The following CPSF1 variants were observed in gnomAD, a reference collection of about 807,000 sequenced individuals.
The protein encoded by CPSF1 is cleavage and polyadenylation specificity factor subunit 1.
CPSF1 carries 106 observed loss-of-function variants against 175.8 expected under a neutral mutation model. The ratio of observed to expected loss-of-function variants is 0.60; its 90% CI spans 0.52 to 0.71. CPSF1 has a LOEUF of 0.71. Among genes scored for constraint, CPSF1 ranks in the 30% least tolerant of loss-of-function variants. The probability of loss-of-function intolerance (pLI) is 0.00; values close to 1 mark genes in which losing one functional copy is unlikely to be tolerated. For missense variants in CPSF1, 1,734 were observed against 2,022.9 expected, an observed-to-expected ratio of 0.86 and a Z score of 2.74; for synonymous variants, 1,024 against 858.3, an observed-to-expected ratio of 1.19 and a Z score of -3.37.
intron 2 of CPSF1, among the ~76,000 whole-genome samples, chr8:144,403,253 C>T (rs1157982246): frequency 2.6e-5 from 4 of 151,794 alleles, no homozygotes; most frequent in Non-Finnish European, 5.9e-5. Context: ...CCCACCACCA[C>T]GTCCAGCTAA....
intron 2 of CPSF1, among the ~76,000 whole-genome samples, chr8:144,402,529 T>G (rs1340439425): frequency 1.3e-5 from 2 of 152,134 alleles, no homozygotes; most frequent in African/African-American, 2.4e-5. Context: ...GGTCTCGAAC[T>G]CCTGACCTCA....
intron 23 of CPSF1, 48 bp downstream of exon 23, chr8:144,397,139 GGGGCTGTGGGGGAACGGGCA>G (rs1820823265): frequency 1.0e-5 from 15 of 1,432,218 alleles, no homozygotes; most frequent in South Asian, 7.9e-5. Context: ...GGGAAGGGGC[GGGGCTGTGGGGGAACGGGCA>G]GGGCCAGGGG....
chr8:144,406,286 G>A (rs1314429574), intron 2 of CPSF1, among the ~76,000 whole-genome samples: 1 of 152,152 alleles, frequency 6.6e-6, no homozygotes, highest in South Asian at 2.1e-4. Flanking sequence ...CTCCTCCCCT[G>A]CTGGGCTCTT....
Position 144,400,801 on chromosome 8 carries a change from G to A in CPSF1, c.556C>T (p.Leu186=), listed in dbSNP as rs2116878431. Residue 186 remains leucine (L), a synonymous_variant, in exon 7 of 38, where the codon CTG becomes TTG. Transcript: ENST00000616140. ...LVGEGQRSSF[L]PSYIIDVRAL... is the part of the protein sequence containing the mutation. ...CGCACGTCGATGATGTAGCTGGGCA[G>A]GAAGCTGGACCTCTGCCTGGGGGGC... is the stretch of plus-strand genomic sequence containing the variant. The A allele has an allele frequency of 3.7e-6, 6 of 1,613,764 alleles. No homozygotes were observed. In the Admixed American group the frequency reaches 5.0e-5, roughly 13 times the overall value.
Position 144,401,304 on chromosome 8 carries a change from G to A in CPSF1, c.307-13C>T. 1 of 1,577,808 alleles carries A rather than the reference G, an allele frequency of 6.3e-7. No homozygotes were observed. The highest frequency in any genetic ancestry group is 2.4e-5 in the East Asian group (1 of 42,054). ...CCACCACAGACAGCTGCGGTCAGAG[G>A]GCACAGCCGTGGCTGCCGACTGCCG... On this transcript the variant is annotated splice_polypyrimidine_tract_variant and intron_variant, in intron 4 of 37. Coordinates refer to ENST00000616140, the MANE Select transcript of CPSF1 (RefSeq NM_013291.3).
Position 144,397,563 on chromosome 8 carries a change from G to C in CPSF1, c.2309C>G (p.Ala770Gly). 5 of 1,550,136 alleles carry C rather than the reference G, an allele frequency of 3.2e-6. No homozygotes were observed. Among genetic ancestry groups the C allele is most frequent in the Non-Finnish European group, 4.4e-6 (5 of 1,142,622 alleles). ...CCGGAAGGGTGCAGGGTCCCGGTCA[G>C]CAGGGGGCTGGCTGCTTCTTCGGGC... The part of the protein sequence containing the change: ...EEARRSSQPP[A>G]DRDPAPFRAE... The change falls in exon 22 of 38, where the codon GCT (alanine) becomes GGT (glycine). Residue 770 changes from alanine (A) to glycine (G), a missense_variant. Ala to Gly is a moderately conservative substitution (Grantham distance 60, BLOSUM62 0). Around this residue, in one of 10 missense-constraint regions of CPSF1, gnomAD observed 585 missense variants for 584.7 expected, o/e 1.00. Transcript: ENST00000616140.
rs782613973 is a variant in CPSF1, at chr8:144,395,258, TCAC to T, written c.3187+4_3187+6del. ...TGAGGATGGGAGTATGGTGTGGGCG[TCAC>T]CACCTCTCTCGATGGTCTCAAACTC... is the stretch of plus-strand genomic sequence containing the variant. On this transcript the variant is annotated splice_donor_5th_base_variant and intron_variant, in intron 28 of 37. Transcript: ENST00000616140. 1.2e-5 allele frequency: 19 copies of T among 1,612,736 alleles called. No homozygotes were observed. The South Asian group carries it at 2.0e-4, about 17-fold the overall frequency.
intron 2 of CPSF1, 145 bp from the exon 3 acceptor site, chr8:144,401,818 G>A (rs1821224315): frequency 2.3e-6 from 2 of 866,214 alleles, no homozygotes; most frequent in Non-Finnish European, 3.5e-6. Flanking sequence ...AAGGGCTTCT[G>A]GAGACAGCTG....
chr8:144,396,671 GC>G lies in CPSF1; in HGVS notation c.2752del (p.Ala918GlnfsTer38), dbSNP rs1564687701. 1 of 1,613,914 alleles carries G rather than the reference GC, an allele frequency of 6.2e-7. No homozygotes were observed. Among genetic ancestry groups the G allele is most frequent in the Non-Finnish European group, 8.5e-7 (1 of 1,180,028 alleles). On this transcript the variant is annotated frameshift_variant, in exon 25 of 38. Transcript: ENST00000616140. LOFTEE classifies it high-confidence loss of function. ...PSKKKAEGGGAEEGAGARGRV... is the reference protein window; with the variant it reads ...PSKKKAEGGGXEEGAGARGRV... ...GCCCCGGGCCCCAGCCCCCTCCTCT[GC>G]GCCGCCACCTTCTGCTTTCTTCTTG... is the stretch of plus-strand genomic sequence containing the variant.
chr8:144,395,628 C>G, intron 26 of CPSF1, 77 bp from the exon 27 acceptor site: 1 of 1,266,812 alleles, frequency 7.9e-7, no homozygotes, highest in Admixed American at 1.9e-5. Flanking sequence ...CCGCCAAGAG[C>G]CCTGGGATGT....
chr8:144,400,134 G>GCACCCCCCCCCCCCCCC (rs782373475), intron 9 of CPSF1, 32 bp downstream of exon 9: 1 of 831,946 alleles, frequency 1.2e-6, no homozygotes, highest in Non-Finnish European at 1.7e-6. Context: ...GCCGTCCCCG[G>GCACCCCCCCCCCCCCCC]GCCCCCCCCG....
chr8:144,394,585 C>CGGACGGGGAGCCGGGTGA, intron 31 of CPSF1, 30 bp from the exon 32 acceptor site: 1 of 1,603,680 alleles, frequency 6.2e-7, no homozygotes, highest in Non-Finnish European at 8.5e-7. Context: ...TGAGCGGGCG[C>CGGACGGGGAGCCGGGTGA]GGACGGGGAG....
intron 30 of CPSF1, 21 bp downstream of exon 30, chr8:144,394,861 C>T (rs1554863050): frequency 1.2e-6 from 2 of 1,611,820 alleles, no homozygotes; most frequent in African/African-American, 1.3e-5. Context: ...CAGTTCCCGC[C>T]CCCGCTCACT....
At chr8:144,396,995 G>C (rs1820805619) in intron 23 of CPSF1, 66 bp from the exon 24 acceptor site, 1 of 1,239,318 alleles carries the variant, frequency 8.1e-7, no homozygotes, top group African/African-American at 1.5e-5. Flanking sequence ...TGGGCCATGG[G>C]AAGAGGTGGG....
At chr8:144,394,322 C>CA in intron 32 of CPSF1, 22 bp from the exon 33 acceptor site, 1 of 1,585,704 alleles carries the variant, frequency 6.3e-7, no homozygotes, top group South Asian at 1.1e-5. Flanking sequence ...AAGGGGGCGT[C>CA]AGAGGTGCCT....
In CPSF1 at chr8:144,402,597, A is replaced by C. The variant is rs1821280743; in HGVS notation, c.145-924T>G. ...TGGGATTACAGGCGTGAGCCACCTC[A>C]AGGTCATTTTTCACGATGGACTTGT... is the stretch of plus-strand genomic sequence containing the variant. On this transcript the variant is annotated intron_variant, in intron 2 of 37. Coordinates refer to ENST00000616140, the MANE Select transcript of CPSF1 (RefSeq NM_013291.3). 2.0e-5 allele frequency among the ~76,000 whole-genome samples: 3 copies of C among 152,114 alleles called. No individual in the cohort carries two copies. In the South Asian group the frequency reaches 6.2e-4, roughly 32 times the overall value.
Position 144,395,149 on chromosome 8 carries a change from A to T in CPSF1, c.3221T>A (p.Phe1074Tyr), listed in dbSNP as rs781809048. 1 of 1,612,600 alleles carries T rather than the reference A, an allele frequency of 6.2e-7. No homozygotes were observed. The highest frequency in any genetic ancestry group is 1.1e-5 in the South Asian group (1 of 91,000). ...ERYIHPQQEAFSIQLISPVSW... is the reference protein window; with the variant it reads ...ERYIHPQQEAYSIQLISPVSW... ...GACCGGGGAGATGAGCTGGATGGAG[A>T]AGGCCTCCTGCTGGGGGTGGATGTA... The change falls in exon 29 of 38, where the codon TTC becomes TAC. Residue 1074 changes from phenylalanine to tyrosine, a missense_variant. Phe to Tyr is a conservative substitution (Grantham distance 22). Around this residue, in one of 10 missense-constraint regions of CPSF1, gnomAD observed 585 missense variants for 584.7 expected, o/e 1.00. Transcript: ENST00000616140.
chr8:144,395,545 G>A lies in CPSF1; in HGVS notation c.2986C>T (p.Leu996=). 1 of 1,605,236 alleles carries A rather than the reference G, an allele frequency of 6.2e-7. No homozygotes were observed. Among genetic ancestry groups the A allele is most frequent in the Non-Finnish European group, 8.5e-7 (1 of 1,175,400 alleles). The stretch of plus-strand genomic sequence containing the variant: ...TAGGCAGGCAGGACACTGATCCTCA[G>A]CTCGCCCTGGGGTGGGGGCACAGGG... ...GFLYFNRQGE[L]RISVLPAYLS... is the part of the protein sequence containing the mutation. Residue 996 remains leucine (L), a synonymous_variant, in exon 27 of 38, where the codon CTG becomes TTG. Transcript: ENST00000616140.
Position 144,394,918 on chromosome 8 carries a change from G to A in CPSF1, c.3378C>T (p.Cys1126=), listed in dbSNP as rs1554863071. 2 of 1,612,704 alleles carry A rather than the reference G, an allele frequency of 1.2e-6. No individual in the cohort carries two copies. The highest frequency in any genetic ancestry group is 2.2e-5 in the South Asian group (2 of 91,078). ...GLKGYVAAGT[C]LMQGEEVTCR... is the part of the protein sequence containing the mutation. ...ACGTGACCTCCTCCCCCTGCATGAGGCAGGTCCCGGCGGCCACGTAGCCTT... is the reference window on the plus strand; with the variant it reads ...ACGTGACCTCCTCCCCCTGCATGAGACAGGTCCCGGCGGCCACGTAGCCTT... Residue 1126 remains cysteine, a synonymous_variant, in exon 30 of 38, where the codon TGC becomes TGT. Coordinates refer to ENST00000616140, the MANE Select transcript of CPSF1 (RefSeq NM_013291.3).
Sources: allele counts gnomAD v4.1 joint callset (sites outside exome capture counted in the v4.1 genomes callset), GRCh38; gene constraint gnomAD v4.1.1; regional missense constraint gnomAD v4.1.1; transcripts MANE v1.5; gene names NCBI Gene and HGNC (gene_info 2026-07-23, HGNC 2026-07-21).